Variants in ID3 observed in about 807,000 individuals in gnomAD.
The protein encoded by ID3 is DNA-binding protein inhibitor ID-3.
Under a neutral mutation model 9.6 loss-of-function variants are expected in ID3, and 4 were observed. That is an observed-to-expected ratio of 0.42 (90% CI 0.21 to 0.96). The LOEUF (loss-of-function observed/expected upper bound fraction) is 0.96, where lower values mean the gene tolerates loss of function less well. ID3 is among the 40% of genes least tolerant of loss of function. The pLI, the probability that ID3 is intolerant of heterozygous loss-of-function variation, is 0.30. For missense variants in ID3, 191 were observed against 164.5 expected, an observed-to-expected ratio of 1.16 and a Z score of -0.88; for synonymous variants, 108 against 75.2, an observed-to-expected ratio of 1.44 and a Z score of -2.26.
Position 23,558,735 on chromosome 1 carries a change from A to C in ID3, c.*25+200T>G. On this transcript the variant is annotated intron_variant, in intron 2 of 2. Coordinates refer to ENST00000374561, the MANE Select transcript of ID3 (RefSeq NM_002167.5). ...AGACCCTCGGCCACTGCGGGAGGGC[A>C]GGGCCCAGGCGCATTTAAGGCTTAA... The C allele has an allele frequency of 1.2e-4, 65 of 553,634 alleles. No homozygotes were observed. In the Middle Eastern group the frequency reaches 1.4e-3, roughly 12 times the overall value. The allele number at this position is 553,634 out of a possible 1,614,324, so 34.3% of individuals were successfully genotyped here.
Position 23,559,450 on chromosome 1 carries a change from C to G in ID3, c.-24G>C. The G allele has an allele frequency of 6.3e-7, 1 of 1,594,310 alleles. No individual in the cohort carries two copies. On this transcript the variant is annotated 5_prime_UTR_variant, in exon 1 of 3. Coordinates refer to ENST00000374561, the MANE Select transcript of ID3 (RefSeq NM_002167.5). ...ATGCTGGGGAGTGAGTCCAGAGGTG[C>G]CCCAAAGAGAAAGAAAACCAAAAGA...
rs1240566783 is a variant in ID3 at position 23,559,458 on chromosome 1, A to G, written c.-32T>C. The G allele has an allele frequency of 6.3e-7, 1 of 1,592,390 alleles. No homozygotes were observed. The highest frequency in any genetic ancestry group is 8.6e-7 in the Non-Finnish European group (1 of 1,168,292). On this transcript the variant is annotated 5_prime_UTR_variant, in exon 1 of 3. Coordinates refer to ENST00000374561, the MANE Select transcript of ID3 (RefSeq NM_002167.5). ...GAGTGAGTCCAGAGGTGCCCCAAAG[A>G]GAAAGAAAACCAAAAGAAGTCCCGC...
Position 23,559,477 on chromosome 1 carries a change from G to T in ID3, c.-51C>A. The T allele has an allele frequency of 6.4e-7, 1 of 1,572,058 alleles. No homozygotes were observed. The highest frequency in any genetic ancestry group is 8.6e-7 in the Non-Finnish European group (1 of 1,158,320). On this transcript the variant is annotated 5_prime_UTR_variant, in exon 1 of 3. Transcript: ENST00000374561. ...CCAAAGAGAAAGAAAACCAAAAGAA[G>T]TCCCGCTACAGTGACCTGCAACGCG...
In ID3 at chr1:23,559,267, G is replaced by A; in HGVS notation, c.160C>T (p.Leu54=). 2 of 1,614,194 alleles carry A rather than the reference G, an allele frequency of 1.2e-6. No homozygotes were observed. Among genetic ancestry groups the A allele is most frequent in the Non-Finnish European group, 1.7e-6 (2 of 1,180,032 alleles). The change falls in exon 1 of 3, where the codon CTG becomes TTG. Residue 54 remains leucine, a synonymous_variant. Transcript: ENST00000374561. The part of the protein sequence containing the change: ...MNHCYSRLRE[L]VPGVPRGTQL... ...GTGCCTCTCGGGACTCCGGGTACCA[G>A]TTCCCGCAGGCGGGAGTAGCAGTGG...
intron 2 of ID3, 118 bp downstream of exon 2, chr1:23,558,817 C>G (rs1643680428): frequency 4.5e-6 from 3 of 664,972 alleles, no homozygotes; most frequent in Middle Eastern, 3.8e-4. Context: ...ATGGGCAAGT[C>G]ACTTGTCCCT....
At position 23,559,397 on chromosome 1, in the gene ID3, G is replaced by C; in HGVS notation, c.30C>G (p.Cys10Trp). 6.2e-7 allele frequency: 1 copy of C among 1,612,524 alleles called. No homozygotes were observed. MKALSPVRGCYEAVCCLSER... is the reference protein window; with the variant it reads MKALSPVRGWYEAVCCLSER... ...CCGACAGGCAGCACACCGCCTCGTA[G>C]CAGCCGCGCACCGGGCTCAGCGCCT... Residue 10 changes from cysteine to tryptophan, a missense_variant, in exon 1 of 3, where the codon TGC (cysteine) becomes TGG (tryptophan). Cys to Trp is a radical substitution (Grantham distance 215, BLOSUM62 -2). Coordinates refer to ENST00000374561, the MANE Select transcript of ID3 (RefSeq NM_002167.5).
Position 23,559,191 on chromosome 1 carries a change from T to G in ID3, c.236A>C (p.Asp79Ala), listed in dbSNP as rs2124330066. 3 of 1,614,078 alleles carry G rather than the reference T, an allele frequency of 1.9e-6. No homozygotes were observed. The highest frequency in any genetic ancestry group is 2.5e-6 in the Non-Finnish European group (3 of 1,180,008). ...TGGCTCGGCCAGGACTACCTGCAGG[T>G]CGAGAATGTAGTCGATGACGCGCTG... ...ILQRVIDYIL[D>A]LQVVLAEPAP... The change falls in exon 1 of 3, where the codon GAC becomes GCC. Residue 79 changes from aspartate (D) to alanine (A), a missense_variant. Coordinates refer to ENST00000374561, the MANE Select transcript of ID3 (RefSeq NM_002167.5).
At position 23,559,490 on chromosome 1, in the gene ID3, G is replaced by A. The variant is rs952490987; in HGVS notation, c.-64C>T. ...AAACCAAAAGAAGTCCCGCTACAGTGACCTGCAACGCGCGCACGCTCGCCG... is the reference window on the plus strand; with the variant it reads ...AAACCAAAAGAAGTCCCGCTACAGTAACCTGCAACGCGCGCACGCTCGCCG... On this transcript the variant is annotated 5_prime_UTR_variant, in exon 1 of 3. Coordinates refer to ENST00000374561, the MANE Select transcript of ID3 (RefSeq NM_002167.5). 4.6e-6 allele frequency: 7 copies of A among 1,514,026 alleles called. No homozygotes were observed. In the Admixed American group the frequency reaches 1.0e-4, roughly 22 times the overall value. 93.8% of individuals were successfully genotyped at this position (1,514,026 alleles called of 1,614,324 possible).
At position 23,559,138 on chromosome 1, in the gene ID3, G is replaced by A; in HGVS notation, c.289C>T (p.Leu97Phe). 1.2e-6 allele frequency: 2 copies of A among 1,614,048 alleles called. No individual in the cohort carries two copies. The highest frequency in any genetic ancestry group is 1.7e-6 in the Non-Finnish European group (2 of 1,179,892). ...PAPGPPDGPH[L>F]PIQTAELTPE... ...ACTTCGAGGCTTACCTGGATGGGAA[G>A]GTGGGGGCCATCAGGGGGTCCAGGG... Residue 97 changes from leucine (L) to phenylalanine (F), a missense_variant, in exon 1 of 3, where the codon CTT (leucine) becomes TTT (phenylalanine). Leu to Phe is a conservative substitution (Grantham distance 22). Coordinates refer to ENST00000374561, the MANE Select transcript of ID3 (RefSeq NM_002167.5).
At position 23,558,409 on chromosome 1, in the gene ID3, C is replaced by T. The variant is rs543525300; in HGVS notation, c.*32G>A. The T allele has an allele frequency of 6.5e-6, 1 of 153,606 alleles. No individual in the cohort carries two copies. Among genetic ancestry groups the T allele is most frequent in the African/African-American group, 2.4e-5 (1 of 41,600 alleles). 9.5% of individuals were successfully genotyped at this position (153,606 alleles called of 1,614,324 possible). ...TCCCAGGCAGAACGGGCGCCAGCAC[C>T]TGCGTTCTGGGCGGGGGAGGAAAGA... On this transcript the variant is annotated 3_prime_UTR_variant, in exon 3 of 3. Coordinates refer to ENST00000374561, the MANE Select transcript of ID3 (RefSeq NM_002167.5).
At position 23,559,500 on chromosome 1, in the gene ID3, G is replaced by A; in HGVS notation, c.-74C>T. The A allele has an allele frequency of 6.7e-7, 1 of 1,484,530 alleles. No homozygotes were observed. The highest frequency in any genetic ancestry group is 9.0e-7 in the Non-Finnish European group (1 of 1,109,968). The allele number at this position is 1,484,530 out of a possible 1,614,324, so 92.0% of individuals were successfully genotyped here. A position where few individuals can be genotyped will look rare whatever the true frequency, so the allele number is the denominator to read the frequency against. ...AAGTCCCGCTACAGTGACCTGCAAC[G>A]CGCGCACGCTCGCCGCGGCGGTCAC... On this transcript the variant is annotated 5_prime_UTR_variant, in exon 1 of 3. Coordinates refer to ENST00000374561, the MANE Select transcript of ID3 (RefSeq NM_002167.5).
At position 23,559,195 on chromosome 1, in the gene ID3, G is replaced by C. The variant is rs764670040; in HGVS notation, c.232C>G (p.Leu78Val). The C allele has an allele frequency of 6.8e-6, 11 of 1,614,130 alleles. No homozygotes were observed. The Admixed American group carries it at 1.7e-4, about 24-fold the overall frequency. Residue 78 changes from leucine to valine, a missense_variant, in exon 1 of 3, where the codon CTC becomes GTC. Physicochemically the swap from Leu to Val is conservative, Grantham distance 32. Coordinates refer to ENST00000374561, the MANE Select transcript of ID3 (RefSeq NM_002167.5). ...TCGGCCAGGACTACCTGCAGGTCGA[G>C]AATGTAGTCGATGACGCGCTGTAGG... ...EILQRVIDYI[L>V]DLQVVLAEPA...
chr1:23,558,632 G>T, intron 2 of ID3: 1 of 267,508 alleles, frequency 3.7e-6, no homozygotes, highest in East Asian at 7.4e-5. Flanking sequence ...CTAGCTGGGA[G>T]GGGGCTGCCG....
At position 23,559,351 on chromosome 1, in the gene ID3, G is replaced by C. The variant is rs371594384; in HGVS notation, c.76C>G (p.Arg26Gly). ...GCTGCCGGGCCCTTCCCTCGGCCCC[G>C]GGCGATGGCCAGACTGCGTTCCGAC... ...CLSERSLAIA[R>G]GRGKGPAAEE... Residue 26 changes from arginine (R) to glycine (G), a missense_variant, in exon 1 of 3, where the codon CGG becomes GGG. By Grantham distance (125) the Arg-to-Gly change is moderately radical. Transcript: ENST00000374561. 1.2e-6 allele frequency: 2 copies of C among 1,613,278 alleles called. No individual in the cohort carries two copies. Among genetic ancestry groups the C allele is most frequent in the East Asian group, 2.2e-5 (1 of 44,900 alleles).
Position 23,559,411 on chromosome 1 carries a change from G to A in ID3, c.16C>T (p.Pro6Ser). 6.2e-7 allele frequency: 1 copy of A among 1,612,190 alleles called. No individual in the cohort carries two copies. Among genetic ancestry groups the A allele is most frequent in the South Asian group, 1.1e-5 (1 of 91,006 alleles). Reference sequence around the variant, plus strand: ...ACCGCCTCGTAGCAGCCGCGCACCGGGCTCAGCGCCTTCATGCTGGGGAGT... The same window carrying A: ...ACCGCCTCGTAGCAGCCGCGCACCGAGCTCAGCGCCTTCATGCTGGGGAGT... MKALS[P>S]VRGCYEAVCC... Residue 6 changes from proline (P) to serine (S), a missense_variant, in exon 1 of 3, where the codon CCG becomes TCG. Physicochemically the swap from Pro to Ser is moderately conservative, Grantham distance 74 (BLOSUM62 -1). Transcript: ENST00000374561.
rs776741657 is a variant in ID3 at position 23,559,192 on chromosome 1, C to T, written c.235G>A (p.Asp79Asn). Residue 79 changes from aspartate to asparagine, a missense_variant, in exon 1 of 3, where the codon GAC becomes AAC. Physicochemically the swap from Asp to Asn is conservative, Grantham distance 23. Coordinates refer to ENST00000374561, the MANE Select transcript of ID3 (RefSeq NM_002167.5). ...GGCTCGGCCAGGACTACCTGCAGGT[C>T]GAGAATGTAGTCGATGACGCGCTGT... The part of the protein sequence containing the change: ...ILQRVIDYIL[D>N]LQVVLAEPAP... 4.3e-6 allele frequency: 7 copies of T among 1,614,036 alleles called. No homozygotes were observed. The highest frequency in any genetic ancestry group is 3.3e-5 in the South Asian group (3 of 91,084).
rs761142520 is a variant in ID3 at position 23,559,343 on chromosome 1, T to G, written c.84A>C (p.Arg28=). 8 of 1,613,418 alleles carry G rather than the reference T, an allele frequency of 5.0e-6. No homozygotes were observed. The East Asian group carries it at 1.8e-4, about 36-fold the overall frequency. Residue 28 remains arginine, a synonymous_variant, in exon 1 of 3, where the codon CGA becomes CGC. Transcript: ENST00000374561. ...GCTCCTCAGCTGCCGGGCCCTTCCC[T>G]CGGCCCCGGGCGATGGCCAGACTGC... ...SERSLAIARG[R]GKGPAAEEPL... is the part of the protein sequence containing the mutation.
intron 1 of ID3, 41 bp from the exon 2 acceptor site, chr1:23,559,060 G>C (rs1463290429): frequency 1.2e-6 from 2 of 1,612,398 alleles, no homozygotes; most frequent in African/African-American, 1.3e-5. Context: ...CGAGGCAATC[G>C]GGAGCTCCGA....
chr1:23,558,901 T>G, intron 2 of ID3, 34 bp downstream of exon 2: 1 of 1,487,912 alleles, frequency 6.7e-7, no homozygotes, highest in Middle Eastern at 1.7e-4. Flanking sequence ...GACTTGCCGT[T>G]TAAACCTCCC....
Sources: allele counts gnomAD v4.1 joint callset, GRCh38; gene constraint gnomAD v4.1.1; transcripts MANE v1.5; gene names NCBI Gene and HGNC (gene_info 2026-07-23, HGNC 2026-07-21).